Variants in PLCL1 observed in about 807,000 individuals in gnomAD.
PLCL1 encodes the protein phospholipase C like 1 (inactive), also known as inactive phospholipase C-like protein 1.
Under a neutral mutation model 84.4 loss-of-function variants are expected in PLCL1, and 41 were observed. The ratio of observed to expected loss-of-function variants is 0.49; its 90% CI spans 0.38 to 0.63. PLCL1 has a LOEUF of 0.63. Ranked by LOEUF, PLCL1 falls within the 30% of genes least tolerant of loss-of-function variation. PLCL1 has a pLI of 0.00. For missense variants in PLCL1, 1,206 were observed against 1,367.8 expected, an observed-to-expected ratio of 0.88 and a Z score of 1.87; for synonymous variants, 490 against 488.3, an observed-to-expected ratio of 1.00 and a Z score of -0.05.
intron 1 of PLCL1, among the ~76,000 whole-genome samples, chr2:198,050,807 T>C (rs1377438866): frequency 6.6e-6 from 1 of 152,230 alleles, no homozygotes; most frequent in East Asian, 1.9e-4. Flanking sequence ...TCTTTCCTAA[T>C]TCTTTATCTT....
At chr2:197,809,630 T>G (rs1282731748) in intron 1 of PLCL1, among the ~76,000 whole-genome samples, 1 of 152,166 alleles carries the variant, frequency 6.6e-6, no homozygotes, top group Non-Finnish European at 1.5e-5. Context: ...ATATGGAGCT[T>G]ACATCCTATT....
At chr2:197,821,383 C>G (rs1309496776) in intron 1 of PLCL1, among the ~76,000 whole-genome samples, 1 of 152,162 alleles carries the variant, frequency 6.6e-6, no homozygotes, top group Non-Finnish European at 1.5e-5. Flanking sequence ...GAGGCTATGT[C>G]GCTCTGACAA....
intron 3 of PLCL1, among the ~76,000 whole-genome samples, chr2:198,096,744 A>G (rs10497814): frequency 0.049 from 7,455 of 152,264 alleles, 267 homozygotes; most frequent in Middle Eastern, 0.13. Context: ...TCTTTTACTA[A>G]GTCAGTTGGG....
Position 197,862,036 on chromosome 2 carries a change from TC to T in PLCL1, c.240+56698del, listed in dbSNP as rs574809313. 5.3e-4 allele frequency among the ~76,000 whole-genome samples: 80 copies of T among 152,316 alleles called. 4 individuals carry two copies. The East Asian group carries it at 0.015, about 28-fold the overall frequency. Reference sequence around the variant, plus strand: ...ATTAAGAAAACCAATAAAGCAAACTTCTAGCATTTTCCCCTTTAAGTGATAA... The same window carrying T: ...ATTAAGAAAACCAATAAAGCAAACTTTAGCATTTTCCCCTTTAAGTGATAA... On this transcript the variant is annotated intron_variant, in intron 1 of 5. Transcript: ENST00000428675.
chr2:198,012,242 C>T (rs146736512), intron 1 of PLCL1, among the ~76,000 whole-genome samples: 139 of 152,250 alleles, frequency 9.1e-4, no homozygotes, highest in African/African-American at 3.1e-3. Context: ...TACCCAGGGG[C>T]AATGGGGATT....
chr2:197,997,712 C>T (rs1426137384), intron 1 of PLCL1, among the ~76,000 whole-genome samples: 2 of 152,130 alleles, frequency 1.3e-5, no homozygotes, highest in Non-Finnish European at 2.9e-5. Context: ...AGAAGCATGC[C>T]AATCATGACC....
chr2:197,928,015 T>C (rs6739925), intron 1 of PLCL1, among the ~76,000 whole-genome samples: 11 of 147,680 alleles, frequency 7.4e-5, no homozygotes, highest in Non-Finnish European at 1.7e-4. Flanking sequence ...GGGTCATTTT[T>C]AAATGAAGTT....
intron 1 of PLCL1, among the ~76,000 whole-genome samples, chr2:197,918,971 T>TCTCTCTCTCTCTCACA (rs373512508): frequency 2.1e-4 from 31 of 144,654 alleles, no homozygotes; most frequent in East Asian, 6.3e-4. Flanking sequence ...TCTCTCTCCC[T>TCTCTCTCTCTCTCACA]CACACACACA....
At chr2:197,908,090 C>T (rs1182978978) in intron 1 of PLCL1, among the ~76,000 whole-genome samples, 1 of 152,162 alleles carries the variant, frequency 6.6e-6, no homozygotes, top group Non-Finnish European at 1.5e-5. Context: ...TAAGACATTG[C>T]ATAGGCTTTG....
chr2:198,010,204 C>T (rs866991513), intron 1 of PLCL1, among the ~76,000 whole-genome samples: 6 of 151,868 alleles, frequency 4.0e-5, no homozygotes, highest in East Asian at 3.9e-4. Flanking sequence ...AGCAATGTAT[C>T]GAATAGTCGT....
chr2:197,831,660 C>T (rs1691069294), intron 1 of PLCL1, among the ~76,000 whole-genome samples: 1 of 152,088 alleles, frequency 6.6e-6, no homozygotes, highest in South Asian at 2.1e-4. Flanking sequence ...CAGCTCTGGA[C>T]CAAGCAGCCC....
chr2:198,124,836 C>A (rs1002262917), intron 5 of PLCL1, among the ~76,000 whole-genome samples: 1 of 152,140 alleles, frequency 6.6e-6, no homozygotes, highest in African/African-American at 2.4e-5. Flanking sequence ...TTATTTAATT[C>A]ATTATCTTGC....
At chr2:198,136,284 C>T (rs1195710508) in intron 5 of PLCL1, among the ~76,000 whole-genome samples, 2 of 152,066 alleles carry the variant, frequency 1.3e-5, no homozygotes, top group Non-Finnish European at 2.9e-5. Flanking sequence ...GGTATTATCT[C>T]TCTTAATCTC....
chr2:198,043,242 G>A (rs148757777), intron 1 of PLCL1, among the ~76,000 whole-genome samples: 3 of 152,248 alleles, frequency 2.0e-5, no homozygotes, highest in Admixed American at 6.5e-5. Flanking sequence ...TGGAAAGAAA[G>A]GTATAAACAC....
intron 1 of PLCL1, among the ~76,000 whole-genome samples, chr2:197,876,156 A>C (rs1193633472): frequency 6.6e-6 from 1 of 152,204 alleles, no homozygotes; most frequent in African/African-American, 2.4e-5. Context: ...TCACTGATTC[A>C]ACAAACGTTT....
chr2:198,029,598 T>A (rs1208928412), intron 1 of PLCL1, among the ~76,000 whole-genome samples: 1 of 152,150 alleles, frequency 6.6e-6, no homozygotes, highest in African/African-American at 2.4e-5. Context: ...CATCACCAAA[T>A]GGGAGACTTA....
In PLCL1 at chr2:198,077,518, T is replaced by G. The variant is rs549844263; in HGVS notation, c.241-6240T>G. On this transcript the variant is annotated intron_variant, in intron 1 of 5. Transcript: ENST00000428675. The stretch of plus-strand genomic sequence containing the variant: ...TCCTGGTTTTCTTACCCCTCAGCTC[T>G]TCTTTTCTTTTAGGTCTTCTCTCCT... 6.6e-5 allele frequency among the ~76,000 whole-genome samples: 10 copies of G among 152,248 alleles called. No individual in the cohort carries two copies. In the South Asian group the frequency reaches 1.7e-3, roughly 25 times the overall value.
chr2:198,004,185 T>A (rs940793618), intron 1 of PLCL1, among the ~76,000 whole-genome samples: 3 of 152,134 alleles, frequency 2.0e-5, no homozygotes, highest in Admixed American at 1.3e-4. Context: ...TTTCTACAAA[T>A]GTTCTGCTCA....
chr2:198,120,721 A>T (rs145523332), intron 5 of PLCL1, among the ~76,000 whole-genome samples: 13,194 of 152,100 alleles, frequency 0.087, 740 homozygotes, highest in Middle Eastern at 0.22. Flanking sequence ...TCATCTGCTG[A>T]TGGACACTTA....
Sources: gnomAD v4.1 joint callset for allele counts (sites outside exome capture counted in the v4.1 genomes callset) on GRCh38, gnomAD v4.1.1 for gene constraint, MANE v1.5 for transcripts, NCBI Gene and HGNC (gene_info 2026-07-23, HGNC 2026-07-21) for gene names.